Variants in WWOX observed in about 807,000 individuals in gnomAD.
WWOX encodes the protein WW domain-containing oxidoreductase.
Under a neutral mutation model 46.2 loss-of-function variants are expected in WWOX, and 69 were observed. The observed-to-expected ratio is 1.49, with a 90% CI of 1.23 to 1.82. WWOX has a LOEUF of 1.82. Ranked by LOEUF, WWOX falls within the 40% of genes most tolerant of loss-of-function variation. The pLI, the probability that WWOX is intolerant of heterozygous loss-of-function variation, is 0.00. For missense variants in WWOX, 919 were observed against 542.6 expected (o/e 1.69, Z -6.89); for synonymous variants, 359 against 202.6 (o/e 1.77, Z -6.56).
chr16:79,137,095 A>G (rs966593988), intron 8 of WWOX, among the ~76,000 whole-genome samples: 1 of 152,326 alleles, frequency 6.6e-6, no homozygotes, highest in Non-Finnish European at 1.5e-5. Flanking sequence ...TTTCATTAAT[A>G]TGAATATTCT....
chr16:78,409,901 G>A (rs1030562446), intron 6 of WWOX, among the ~76,000 whole-genome samples: 5 of 152,170 alleles, frequency 3.3e-5, no homozygotes, highest in Non-Finnish European at 7.3e-5. Flanking sequence ...ATGACACTGT[G>A]CTTACCTAGA....
intron 6 of WWOX, among the ~76,000 whole-genome samples, chr16:78,396,222 G>A (rs11640261): frequency 0.93 from 141,532 of 152,240 alleles, 65,998 homozygotes; most frequent in African/African-American, 0.98. Context: ...AACTTTTTAT[G>A]ATGCCAACCT....
intron 5 of WWOX, among the ~76,000 whole-genome samples, chr16:78,222,519 C>G (rs772597069): frequency 6.6e-6 from 1 of 152,070 alleles, no homozygotes; most frequent in Admixed American, 6.6e-5. Context: ...GAAAAAAATA[C>G]ATATTTTGCA....
At chr16:78,344,787 G>C (rs2081067342) in intron 5 of WWOX, among the ~76,000 whole-genome samples, 1 of 121,786 alleles carries the variant, frequency 8.2e-6, no homozygotes, top group African/African-American at 2.8e-5. Flanking sequence ...TTTCTCACTT[G>C]TTCCTTATTT....
intron 6 of WWOX, among the ~76,000 whole-genome samples, chr16:78,395,168 C>T (rs1462171028): frequency 6.6e-6 from 1 of 152,090 alleles, no homozygotes; most frequent in African/African-American, 2.4e-5. Flanking sequence ...ATTAATTAAA[C>T]AGGAAAAGGG....
intron 4 of WWOX, among the ~76,000 whole-genome samples, chr16:78,140,007 C>T (rs1437033045): frequency 6.6e-6 from 1 of 152,114 alleles, no homozygotes; most frequent in Non-Finnish European, 1.5e-5. Context: ...TGGGTTTGCA[C>T]ATGTGCAAGT....
At chr16:78,327,753 T>C (rs957994903) in intron 5 of WWOX, among the ~76,000 whole-genome samples, 1 of 152,112 alleles carries the variant, frequency 6.6e-6, no homozygotes, top group Non-Finnish European at 1.5e-5. Flanking sequence ...ACCATGGCTA[T>C]ATTATTTAGT....
chr16:78,996,945 C>T lies in WWOX; in HGVS notation c.1057-214663C>T, dbSNP rs909962398. ...TGTTTTCAAACACAAGCATCCTCTC[C>T]CGCGCCTGGGAGGGCGAGGTGCGGA... On this transcript the variant is annotated intron_variant, in intron 8 of 8. Transcript: ENST00000566780. Among the ~76,000 whole-genome samples, 21 of 152,342 alleles carry T rather than the reference C, an allele frequency of 1.4e-4. No individual in the cohort carries two copies. In the South Asian group the frequency reaches 2.3e-3, roughly 17 times the overall value.
At chr16:78,292,063 C>CTTTTTT (rs5818123) in intron 5 of WWOX, among the ~76,000 whole-genome samples, 2 of 136,956 alleles carry the variant, frequency 1.5e-5, no homozygotes, top group Non-Finnish European at 1.6e-5. Context: ...TGATTTTTAC[C>CTTTTTT]TTTTTTTTTT....
At chr16:78,340,575 A>C (rs73576479) in intron 5 of WWOX, among the ~76,000 whole-genome samples, 2,465 of 120,306 alleles carry the variant, frequency 0.02, 600 homozygotes, top group African/African-American at 0.067. Flanking sequence ...GTAGAATTCA[A>C]AGTTACTGCT....
intron 5 of WWOX, among the ~76,000 whole-genome samples, chr16:78,351,820 C>A (rs2081189527): frequency 6.6e-6 from 1 of 152,114 alleles, no homozygotes; most frequent in South Asian, 2.1e-4. Context: ...CCAGGCCCAG[C>A]TAATTTTTAT....
At chr16:78,823,811 C>G (rs2051572582) in intron 8 of WWOX, among the ~76,000 whole-genome samples, 1 of 149,932 alleles carries the variant, frequency 6.7e-6, no homozygotes, top group East Asian at 2.0e-4. Flanking sequence ...GAATCTTGTT[C>G]TGTCTCCGAG....
chr16:78,634,129 A>T (rs1022589336), intron 8 of WWOX, among the ~76,000 whole-genome samples: 1 of 152,046 alleles, frequency 6.6e-6, no homozygotes, highest in Non-Finnish European at 1.5e-5. Context: ...CCAGAGAGAG[A>T]CCTTTTTGTA....
At chr16:78,615,297 T>C (rs944342638) in intron 8 of WWOX, among the ~76,000 whole-genome samples, 1 of 151,896 alleles carries the variant, frequency 6.6e-6, no homozygotes, top group Non-Finnish European at 1.5e-5. Flanking sequence ...CCCCTAGGAG[T>C]TGGGCTGCCT....
At chr16:78,811,028 A>G (rs570891882) in intron 8 of WWOX, among the ~76,000 whole-genome samples, 228 of 152,278 alleles carry the variant, frequency 1.5e-3, no homozygotes, top group Admixed American at 3.5e-3. Flanking sequence ...CTTGCACTGT[A>G]TTTCAGAGGT....
intron 8 of WWOX, among the ~76,000 whole-genome samples, chr16:78,520,150 G>T (rs566978069): frequency 2.0e-5 from 3 of 152,342 alleles, no homozygotes; most frequent in African/African-American, 7.2e-5. Flanking sequence ...CGCATGTCCA[G>T]TCTGAAGCTT....
intron 8 of WWOX, among the ~76,000 whole-genome samples, chr16:79,055,179 C>G (rs557447845): frequency 2.0e-5 from 3 of 152,172 alleles, no homozygotes; most frequent in Non-Finnish European, 4.4e-5. Context: ...TTGAATAAAG[C>G]AAACAGTAAC....
intron 4 of WWOX, among the ~76,000 whole-genome samples, chr16:78,126,510 G>T (rs780042684): frequency 6.6e-6 from 1 of 152,070 alleles, no homozygotes; most frequent in Non-Finnish European, 1.5e-5. Context: ...CATCTTATAT[G>T]CATGACTATT....
intron 5 of WWOX, among the ~76,000 whole-genome samples, chr16:78,356,913 A>G (rs1303979368): frequency 6.6e-6 from 1 of 152,124 alleles, no homozygotes; most frequent in African/African-American, 2.4e-5. Flanking sequence ...TCCAATACAC[A>G]ATATGTTATA....
Sources: allele counts gnomAD v4.1 joint callset (sites outside exome capture counted in the v4.1 genomes callset), GRCh38; gene constraint gnomAD v4.1.1; transcripts MANE v1.5; gene names NCBI Gene and HGNC (gene_info 2026-07-23, HGNC 2026-07-21).